Variants in RBM19 observed in about 807,000 individuals in gnomAD.
RBM19 encodes the protein RNA binding motif protein 19.
A neutral mutation model predicts 116.8 loss-of-function variants in RBM19; 94 were observed. The observed-to-expected ratio is 0.80, with a 90% CI of 0.68 to 0.95. RBM19 has a LOEUF of 0.95. RBM19 is among the 40% of genes least tolerant of loss of function. The probability of loss-of-function intolerance (pLI) is 0.00; values close to 1 mark genes in which losing one functional copy is unlikely to be tolerated. For synonymous variants in RBM19, 475 were observed against 494.1 expected, an observed-to-expected ratio of 0.96 and a Z score of 0.51; for missense variants, 1,161 against 1,220.7, an observed-to-expected ratio of 0.95 and a Z score of 0.73.
intron 16 of RBM19, among the ~76,000 whole-genome samples, chr12:113,929,533 G>A (rs975704771): frequency 6.6e-6 from 1 of 152,180 alleles, no homozygotes; most frequent in African/African-American, 2.4e-5. Flanking sequence ...TTCAAACAAA[G>A]CTGGAGGAAA....
chr12:113,938,028 TGGGTCA>T (rs1401777909), intron 15 of RBM19, among the ~76,000 whole-genome samples: 1 of 152,200 alleles, frequency 6.6e-6, no homozygotes, highest in Non-Finnish European at 1.5e-5. Flanking sequence ...TGTGTGATCG[TGGGTCA>T]GGGCACCTCT....
At chr12:113,965,959 T>TGG (rs1237061566) in intron 1 of RBM19, among the ~76,000 whole-genome samples, 2 of 152,052 alleles carry the variant, frequency 1.3e-5, no homozygotes, top group Non-Finnish European at 2.9e-5. Flanking sequence ...AGAAGAGGTG[T>TGG]GTTAGGAGTC....
At chr12:113,833,588 T>C (rs1397105092) in intron 23 of RBM19, among the ~76,000 whole-genome samples, 1 of 152,200 alleles carries the variant, frequency 6.6e-6, no homozygotes, top group East Asian at 1.9e-4. Flanking sequence ...TGGCTTCTGC[T>C]ACCTGGGATG....
At chr12:113,896,877 G>A (rs957614202) in intron 21 of RBM19, among the ~76,000 whole-genome samples, 8 of 152,192 alleles carry the variant, frequency 5.3e-5, no homozygotes, top group Admixed American at 2.6e-4. Context: ...GGCACTCCTA[G>A]GCCGAAAGAA....
Position 113,891,665 on chromosome 12 carries a change from A to G in RBM19, c.2558+23304T>C, listed in dbSNP as rs117079832. On this transcript the variant is annotated intron_variant, in intron 21 of 23. Coordinates refer to ENST00000261741, the MANE Select transcript of RBM19 (RefSeq NM_016196.4). The stretch of plus-strand genomic sequence containing the variant: ...AGAGGCCCTTAAAAAAAATTCACTG[A>G]CTTTTTCTTTTTAATAATAGACCAT... 8.7e-3 allele frequency among the ~76,000 whole-genome samples: 1,325 copies of G among 152,224 alleles called. 5 individuals carry two copies. The highest frequency in any genetic ancestry group is 0.014 in the Middle Eastern group (4 of 294).
chr12:113,921,652 A>G (rs1868572986), intron 18 of RBM19, among the ~76,000 whole-genome samples: 1 of 152,310 alleles, frequency 6.6e-6, no homozygotes, highest in African/African-American at 2.4e-5. Flanking sequence ...CATGGCTCAG[A>G]CAGAACTGAC....
chr12:113,959,122 AG>A, intron 5 of RBM19, 89 bp downstream of exon 5: 1 of 1,426,730 alleles, frequency 7.0e-7, no homozygotes, highest in Non-Finnish European at 9.5e-7. Context: ...CCTGACTCCT[AG>A]AGTCTGCACA....
chr12:113,834,205 TG>T (rs950495762), intron 23 of RBM19, among the ~76,000 whole-genome samples: 3 of 152,224 alleles, frequency 2.0e-5, no homozygotes, highest in Non-Finnish European at 4.4e-5. Context: ...TACACTGCTT[TG>T]CCCTCAGTGC....
At chr12:113,948,534 A>G (rs1871226899) in intron 10 of RBM19, among the ~76,000 whole-genome samples, 1 of 152,234 alleles carries the variant, frequency 6.6e-6, no homozygotes, top group African/African-American at 2.4e-5. Flanking sequence ...GGAGTATCTC[A>G]AAAAAGTCAT....
At chr12:113,953,930 T>A (rs1428489536) in intron 7 of RBM19, among the ~76,000 whole-genome samples, 1 of 152,268 alleles carries the variant, frequency 6.6e-6, no homozygotes, top group Non-Finnish European at 1.5e-5. Flanking sequence ...ATATTTACCA[T>A]CTGGCCTTTA....
intron 14 of RBM19, 128 bp downstream of exon 14, chr12:113,942,196 A>G: frequency 1.2e-6 from 1 of 800,010 alleles, no homozygotes; most frequent in Non-Finnish European, 1.9e-6. Context: ...TTTTCTTTAG[A>G]GACAATTTAG....
At chr12:113,886,138 T>C (rs1277435750) in intron 21 of RBM19, among the ~76,000 whole-genome samples, 1 of 152,196 alleles carries the variant, frequency 6.6e-6, no homozygotes, top group Non-Finnish European at 1.5e-5. Flanking sequence ...CCCAAAGTGC[T>C]GGGATTACAG....
chr12:113,872,086 C>G (rs868367363), intron 21 of RBM19, among the ~76,000 whole-genome samples: 3 of 147,604 alleles, frequency 2.0e-5, no homozygotes, highest in Non-Finnish European at 4.5e-5. Flanking sequence ...TGAGGAGCGC[C>G]TCTTCCCAGC....
At chr12:113,835,198 TCA>T (rs1194750955) in intron 23 of RBM19, among the ~76,000 whole-genome samples, 1 of 152,138 alleles carries the variant, frequency 6.6e-6, no homozygotes, top group African/African-American at 2.4e-5. Context: ...GAGTTAACGC[TCA>T]CACAGTGTCC....
In RBM19 at chr12:113,913,781, C is replaced by T. The variant is rs138077858; in HGVS notation, c.2558+1188G>A. ...CTTGTGCAAGTGTAGAATGAACGAA[C>T]GAGACCTAGTGTCTAGAATCCTAAA... On this transcript the variant is annotated intron_variant, in intron 21 of 23. Transcript: ENST00000261741. 4.5e-4 allele frequency among the ~76,000 whole-genome samples: 69 copies of T among 152,350 alleles called. 1 individual carries two copies. The East Asian group carries it at 7.3e-3, about 16-fold the overall frequency.
At chr12:113,859,019 C>T in intron 21 of RBM19, 123 bp from the exon 22 acceptor site, 1 of 764,282 alleles carries the variant, frequency 1.3e-6, no homozygotes, top group Non-Finnish European at 2.2e-6. Flanking sequence ...CATGCAGGCA[C>T]ACACACGCTC....
At position 113,937,436 on chromosome 12, in the gene RBM19, G is replaced by T. The variant is rs118051229; in HGVS notation, c.1939-300C>A. On this transcript the variant is annotated intron_variant, in intron 15 of 23. Transcript: ENST00000261741. ...TCCAATCAGAGTATGAAACTCTAAA[G>T]TTTCATACTTTAGATGGGAGTGGGA... Among the ~76,000 whole-genome samples, 1,283 of 152,206 alleles carry T rather than the reference G, an allele frequency of 8.4e-3. 7 individuals carry two copies. The highest frequency in any genetic ancestry group is 0.014 in the Non-Finnish European group (963 of 68,004).
At chr12:113,939,826 A>G (rs1219540888) in intron 15 of RBM19, 134 bp downstream of exon 15, 1 of 886,232 alleles carries the variant, frequency 1.1e-6, no homozygotes, top group Non-Finnish European at 1.7e-6. Flanking sequence ...ATATTCAGCC[A>G]TGATCGTGAC....
At chr12:113,934,566 G>A (rs771345994) in intron 16 of RBM19, among the ~76,000 whole-genome samples, 3 of 152,218 alleles carry the variant, frequency 2.0e-5, no homozygotes, top group South Asian at 2.1e-4. Context: ...GGATACTGCC[G>A]TGAGCAAGGT....
Sources: allele counts gnomAD v4.1 joint callset (sites outside exome capture counted in the v4.1 genomes callset), GRCh38; gene constraint gnomAD v4.1.1; transcripts MANE v1.5; gene names NCBI Gene and HGNC (gene_info 2026-07-23, HGNC 2026-07-21).